The following PHACTR3 variants were observed in gnomAD, a reference collection of about 807,000 sequenced individuals.
The protein encoded by PHACTR3 is protein phosphatase 1, regulatory subunit 123.
Under a neutral mutation model 66.8 loss-of-function variants are expected in PHACTR3, and 16 were observed. The ratio of observed to expected loss-of-function variants is 0.24; its 90% CI spans 0.16 to 0.36. PHACTR3 has a LOEUF of 0.36. Among genes scored for constraint, PHACTR3 ranks in the 10% least tolerant of loss-of-function variants. PHACTR3 has a pLI of 1.00. For synonymous variants in PHACTR3, 323 were observed against 292.1 expected, an observed-to-expected ratio of 1.11 and a Z score of -1.08; for missense variants, 647 against 719.9, an observed-to-expected ratio of 0.90 and a Z score of 1.16.
chr20:59,610,149 G>T (rs570015511), intron 1 of PHACTR3, among the ~76,000 whole-genome samples: 2 of 152,310 alleles, frequency 1.3e-5, no homozygotes, highest in African/African-American at 4.8e-5. Flanking sequence ...CAGCTACTTG[G>T]GGGGCTGAGC....
chr20:59,697,767 C>T (rs562419022), intron 1 of PHACTR3, among the ~76,000 whole-genome samples: 1 of 152,280 alleles, frequency 6.6e-6, no homozygotes, highest in East Asian at 1.9e-4. Flanking sequence ...ATTACCCAGT[C>T]TTGGGTAGTT....
At chr20:59,816,432 C>A (rs1013780098) in intron 8 of PHACTR3, among the ~76,000 whole-genome samples, 5 of 152,186 alleles carry the variant, frequency 3.3e-5, no homozygotes, top group African/African-American at 9.7e-5. Flanking sequence ...GTGTGATAGG[C>A]CTCACAGCCT....
chr20:59,832,972 G>T, intron 8 of PHACTR3, among the ~76,000 whole-genome samples: 1 of 152,188 alleles, frequency 6.6e-6, no homozygotes, highest in East Asian at 1.9e-4. Context: ...GGGTCTTCTT[G>T]CTCACCTCAA....
intron 7 of PHACTR3, among the ~76,000 whole-genome samples, chr20:59,776,693 C>T (rs2040548976): frequency 6.6e-6 from 1 of 151,900 alleles, no homozygotes; most frequent in Non-Finnish European, 1.5e-5. Context: ...ATCTGCATTT[C>T]ACCTCTCGGG....
intron 1 of PHACTR3, among the ~76,000 whole-genome samples, chr20:59,624,025 G>T (rs1037858233): frequency 6.6e-6 from 1 of 152,152 alleles, no homozygotes; most frequent in Non-Finnish European, 1.5e-5. Flanking sequence ...CAGGAGAAGT[G>T]GGGGAGAGTG....
intron 1 of PHACTR3, among the ~76,000 whole-genome samples, chr20:59,664,792 G>A (rs947054373): frequency 7.2e-5 from 11 of 152,286 alleles, no homozygotes; most frequent in African/African-American, 2.2e-4. Context: ...TACGTCTTCT[G>A]CCAACCTGCC....
chr20:59,842,632 G>A (rs2059083761), intron 11 of PHACTR3, among the ~76,000 whole-genome samples: 1 of 152,092 alleles, frequency 6.6e-6, no homozygotes, highest in Non-Finnish European at 1.5e-5. Flanking sequence ...AGTGGGCCTG[G>A]GGAAGCCAAA....
intron 8 of PHACTR3, among the ~76,000 whole-genome samples, chr20:59,827,294 G>T (rs541806885): frequency 6.6e-6 from 1 of 152,238 alleles, no homozygotes; most frequent in South Asian, 2.1e-4. Context: ...CCAGGAGGCT[G>T]ATTGGAGGCG....
At chr20:59,632,266 C>T (rs2034693652) in intron 1 of PHACTR3, among the ~76,000 whole-genome samples, 1 of 152,150 alleles carries the variant, frequency 6.6e-6, no homozygotes, top group Non-Finnish European at 1.5e-5. Context: ...CCTCAGTCCC[C>T]TTGCGTCTGG....
chr20:59,692,634 T>C (rs923597942), intron 1 of PHACTR3, among the ~76,000 whole-genome samples: 1 of 152,200 alleles, frequency 6.6e-6, no homozygotes, highest in African/African-American at 2.4e-5. Flanking sequence ...GACTGAGCAC[T>C]AAAAAGGTGA....
At chr20:59,774,107 G>A (rs1348116239) in intron 6 of PHACTR3, 136 bp from the exon 7 acceptor site, 3 of 1,112,084 alleles carry the variant, frequency 2.7e-6, no homozygotes, top group Non-Finnish European at 1.3e-6. Flanking sequence ...CTTCTGGTGT[G>A]TCCAGGATAA....
Position 59,734,869 on chromosome 20 carries a change from T to G in PHACTR3, c.119-8238T>G, listed in dbSNP as rs184691684. Reference sequence around the variant, plus strand: ...ACCCAACTCAATTATCACTACCTACTACCTCCCCTAGCTTCTAGTAGCCTT... The same window carrying G: ...ACCCAACTCAATTATCACTACCTACGACCTCCCCTAGCTTCTAGTAGCCTT... On this transcript the variant is annotated intron_variant, in intron 1 of 12. Coordinates refer to ENST00000371015, the MANE Select transcript of PHACTR3 (RefSeq NM_080672.5). Among the ~76,000 whole-genome samples, 4 of 152,188 alleles carry G rather than the reference T, an allele frequency of 2.6e-5. No homozygotes were observed. The East Asian group carries it at 7.7e-4, about 29-fold the overall frequency.
chr20:59,591,129 G>A (rs962644270), intron 1 of PHACTR3, among the ~76,000 whole-genome samples: 1 of 152,164 alleles, frequency 6.6e-6, no homozygotes, highest in African/African-American at 2.4e-5. Context: ...GAATATTCTA[G>A]CGCATGGTGC....
intron 1 of PHACTR3, among the ~76,000 whole-genome samples, chr20:59,584,705 A>C (rs1333880363): frequency 6.6e-6 from 1 of 151,198 alleles, no homozygotes; most frequent in African/African-American, 2.4e-5. Flanking sequence ...CTCCACCTTC[A>C]CTCCCCGGCC....
chr20:59,600,945 C>CT (rs11477966), upstream of PHACTR3, among the ~76,000 whole-genome samples: 529 of 137,570 alleles, frequency 3.8e-3, 1 homozygote, highest in Non-Finnish European at 4.7e-3. Flanking sequence ...CCTCTACATG[C>CT]TTTTTTTTTT....
intron 2 of PHACTR3, among the ~76,000 whole-genome samples, chr20:59,744,167 C>T (rs772362929): frequency 2.6e-5 from 4 of 152,262 alleles, no homozygotes; most frequent in Non-Finnish European, 5.9e-5. Flanking sequence ...GCTAGGCCAG[C>T]ACTCCCGCAG....
intron 1 of PHACTR3, among the ~76,000 whole-genome samples, chr20:59,680,826 A>G (rs560076552): frequency 1.8e-4 from 27 of 152,326 alleles, no homozygotes; most frequent in African/African-American, 6.5e-4. Context: ...CCCGTGTTCC[A>G]CAGGACAGGC....
intron 1 of PHACTR3, among the ~76,000 whole-genome samples, chr20:59,664,106 CTTTA>C (rs2035908975): frequency 6.6e-6 from 1 of 152,006 alleles, no homozygotes; most frequent in Non-Finnish European, 1.5e-5. Context: ...TAAGGATAGT[CTTTA>C]TTTAGTAGAC....
intron 1 of PHACTR3, among the ~76,000 whole-genome samples, chr20:59,589,795 AAAG>A (rs1430641229): frequency 1.3e-5 from 2 of 152,272 alleles, no homozygotes; most frequent in Non-Finnish European, 2.9e-5. Context: ...AAGTGAAAGA[AAAG>A]AAGTAAACAC....
Sources: allele counts gnomAD v4.1 joint callset (sites outside exome capture counted in the v4.1 genomes callset), GRCh38; gene constraint gnomAD v4.1.1; transcripts MANE v1.5; gene names NCBI Gene and HGNC (gene_info 2026-07-23, HGNC 2026-07-21).